TASP1: variants seen among roughly 807,000 people sequenced by gnomAD.
The protein encoded by TASP1 is threonine aspartase 1.
Under a neutral mutation model 56.6 loss-of-function variants are expected in TASP1, and 16 were observed. The observed-to-expected ratio is 0.28, with a 90% CI of 0.19 to 0.43. The LOEUF is 0.43. Among genes scored for constraint, TASP1 ranks in the 20% least tolerant of loss-of-function variants. The probability of loss-of-function intolerance (pLI) is 1.00; values close to 1 mark genes in which losing one functional copy is unlikely to be tolerated. For synonymous variants in TASP1, 179 were observed against 184.2 expected, an observed-to-expected ratio of 0.97 and a Z score of 0.23; for missense variants, 393 against 511.6, an observed-to-expected ratio of 0.77 and a Z score of 2.24.
the TASP1 span, among the ~76,000 whole-genome samples, chr20:13,230,176 A>G: frequency 3.3e-5 from 5 of 152,204 alleles, no homozygotes; most frequent in African/African-American, 1.2e-4. Context: ...AATAATCTCA[A>G]TAACATTTTC....
chr20:13,191,201 A>G, the TASP1 span, among the ~76,000 whole-genome samples: 2 of 152,200 alleles, frequency 1.3e-5, no homozygotes, highest in African/African-American at 4.8e-5. Context: ...AAAAACTAAA[A>G]ATAGAAATAC....
chr20:13,584,184 G>A (rs2147235475), intron 5 of TASP1, among the ~76,000 whole-genome samples: 1 of 152,314 alleles, frequency 6.6e-6, no homozygotes. Flanking sequence ...AATTAACTAT[G>A]TAGGAACAAT....
At chr20:13,377,738 C>T in the TASP1 span, among the ~76,000 whole-genome samples, 6,898 of 152,178 alleles carry the variant, frequency 0.045, 477 homozygotes, top group African/African-American at 0.15. Flanking sequence ...TTAATTACTG[C>T]CTCAATTTCA....
At chr20:13,447,726 T>C (rs2043462644) in intron 11 of TASP1, among the ~76,000 whole-genome samples, 1 of 152,086 alleles carries the variant, frequency 6.6e-6, no homozygotes, top group Admixed American at 6.6e-5. Flanking sequence ...TGTGAGAAAA[T>C]AAAAGCCCTC....
the TASP1 span, among the ~76,000 whole-genome samples, chr20:13,281,706 G>A: frequency 6.6e-6 from 1 of 152,198 alleles, no homozygotes; most frequent in South Asian, 2.1e-4. Context: ...GCTTAGGTTG[G>A]AAGATAGGAA....
the TASP1 span, among the ~76,000 whole-genome samples, chr20:13,190,927 T>C: frequency 6.6e-6 from 1 of 151,650 alleles, no homozygotes; most frequent in African/African-American, 2.4e-5. Context: ...AATGAGCAAA[T>C]TATCCAAACA....
At chr20:13,410,180 A>G (rs2042049987) in intron 13 of TASP1, among the ~76,000 whole-genome samples, 1 of 152,212 alleles carries the variant, frequency 6.6e-6, no homozygotes, top group South Asian at 2.1e-4. Flanking sequence ...GCCCAATAGT[A>G]TTCCATTGTG....
chr20:13,141,213 T>C, the TASP1 span, among the ~76,000 whole-genome samples: 2 of 152,252 alleles, frequency 1.3e-5, no homozygotes, highest in Admixed American at 6.5e-5. Context: ...TCATAAGACA[T>C]TGATTGTCTT....
chr20:13,472,437 G>A (rs1259399867), intron 11 of TASP1, among the ~76,000 whole-genome samples: 4 of 150,990 alleles, frequency 2.6e-5, no homozygotes, highest in Non-Finnish European at 5.9e-5. Flanking sequence ...AAGACTTCAT[G>A]ACTAAAACAC....
In TASP1 at chr20:13,410,584, G is replaced by A. The variant is rs145183683; in HGVS notation, c.1170+6864C>T. Among the ~76,000 whole-genome samples the A allele has an allele frequency of 1.9e-4, 29 of 152,216 alleles. No homozygotes were observed. The East Asian group carries it at 2.9e-3, about 15-fold the overall frequency. On this transcript the variant is annotated intron_variant, in intron 13 of 13. Transcript: ENST00000337743. ...TTGCATTTCCCTGATGATTACTGAC[G>A]TTGAGCATTTTGTCACATGTCTGTT...
At chr20:13,198,876 TTCCTTCCTTCCTTCCTTCCC>T in the TASP1 span, among the ~76,000 whole-genome samples, 2 of 148,008 alleles carry the variant, frequency 1.4e-5, no homozygotes, top group Admixed American at 6.8e-5. Flanking sequence ...CCTTCCTTCT[TTCCTTCCTTCCTTCCTTCCC>T]TCCTTCCTTC....
chr20:13,232,003 C>G, the TASP1 span, among the ~76,000 whole-genome samples: 4 of 152,116 alleles, frequency 2.6e-5, no homozygotes, highest in African/African-American at 9.7e-5. Context: ...ATAGCCTGCC[C>G]CAGTGTTAAC....
At chr20:13,162,170 G>C in the TASP1 span, among the ~76,000 whole-genome samples, 3 of 152,308 alleles carry the variant, frequency 2.0e-5, no homozygotes, top group East Asian at 5.8e-4. Flanking sequence ...TGAAAATGTA[G>C]AAGGCTTGAG....
chr20:13,245,585 T>G, the TASP1 span, among the ~76,000 whole-genome samples: 1 of 152,142 alleles, frequency 6.6e-6, no homozygotes, highest in African/African-American at 2.4e-5. Flanking sequence ...CCCCTCCACA[T>G]GTACCTGCCC....
intron 4 of TASP1, among the ~76,000 whole-genome samples, chr20:13,618,106 T>C (rs1273301210): frequency 2.0e-5 from 3 of 151,996 alleles, no homozygotes; most frequent in African/African-American, 7.2e-5. Context: ...GATCCCTGCC[T>C]GCCTTAAAGA....
chr20:13,484,846 TG>T (rs2146525685), intron 10 of TASP1, among the ~76,000 whole-genome samples: 1 of 151,832 alleles, frequency 6.6e-6, no homozygotes, highest in African/African-American at 2.4e-5. Flanking sequence ...TGGATGAAGC[TG>T]GAAACCATCA....
chr20:13,629,898 A>AAG, intron 2 of TASP1, 36 bp downstream of exon 2: 1 of 1,609,752 alleles, frequency 6.2e-7, no homozygotes, highest in Non-Finnish European at 8.5e-7. Context: ...AAAAATCAAC[A>AAG]TTATTGGCAT....
chr20:13,563,705 A>G (rs2046424286), intron 7 of TASP1, among the ~76,000 whole-genome samples: 1 of 149,186 alleles, frequency 6.7e-6, no homozygotes, highest in Non-Finnish European at 1.5e-5. Context: ...GGGCCTCACT[A>G]TGTTGCCCAG....
At chr20:13,289,095 A>G in the TASP1 span, among the ~76,000 whole-genome samples, 1 of 152,192 alleles carries the variant, frequency 6.6e-6, no homozygotes, top group Non-Finnish European at 1.5e-5. Context: ...CTTTTCTAAT[A>G]AGACTTCTGA....
Sources: gnomAD v4.1 joint callset for allele counts (sites outside exome capture counted in the v4.1 genomes callset) on GRCh38, gnomAD v4.1.1 for gene constraint, MANE v1.5 for transcripts, NCBI Gene and HGNC (gene_info 2026-07-23, HGNC 2026-07-21) for gene names.